The following TMEM74 variants were observed in gnomAD, a reference collection of about 807,000 sequenced individuals.
The protein encoded by TMEM74 is transmembrane protein 74.
In TMEM74, 13 loss-of-function variants were observed where a neutral mutation model predicts 18.1. The observed-to-expected ratio is 0.72, with a 90% CI of 0.47 to 1.14. TMEM74 has a LOEUF of 1.14. TMEM74 is among the 50% of genes most tolerant of loss of function. The pLI, the probability that TMEM74 is intolerant of heterozygous loss-of-function variation, is 0.00. For missense variants in TMEM74, 372 were observed against 375.9 expected (o/e 0.99, Z 0.09); for synonymous variants, 159 against 146.6 (o/e 1.08, Z -0.61).
At chr8:108,686,094 G>T (rs184583240) in intron 1 of TMEM74, among the ~76,000 whole-genome samples, 2 of 152,152 alleles carry the variant, frequency 1.3e-5, no homozygotes, top group African/African-American at 4.8e-5. Context: ...AAAGTTATGA[G>T]TTTCTTTTAA....
At chr8:108,744,689 C>A (rs1813832763) in intron 1 of TMEM74, among the ~76,000 whole-genome samples, 1 of 152,130 alleles carries the variant, frequency 6.6e-6, no homozygotes, top group Non-Finnish European at 1.5e-5. Flanking sequence ...GGAAGAAAAG[C>A]TTGTAATTGA....
At chr8:108,729,009 A>G (rs537018234) in intron 1 of TMEM74, among the ~76,000 whole-genome samples, 1 of 152,230 alleles carries the variant, frequency 6.6e-6, no homozygotes, top group South Asian at 2.1e-4. Flanking sequence ...TCTTGCTGCT[A>G]TATCAAATTA....
intron 1 of TMEM74, among the ~76,000 whole-genome samples, chr8:108,664,345 C>A (rs1159753221): frequency 6.6e-6 from 1 of 152,070 alleles, no homozygotes; most frequent in Non-Finnish European, 1.5e-5. Context: ...TTTCACCTCT[C>A]TGGTTAGCTG....
chr8:108,617,413 A>G (rs181031574), intron 2 of TMEM74, among the ~76,000 whole-genome samples: 1 of 152,222 alleles, frequency 6.6e-6, no homozygotes, highest in East Asian at 1.9e-4. Context: ...GGAACCTCAC[A>G]CAGAAGCAGC....
At position 108,784,278 on chromosome 8, in the gene TMEM74, A is replaced by G; in HGVS notation, c.821T>C (p.Leu274Pro). Residue 274 changes from leucine to proline, a missense_variant, in exon 2 of 2, where the codon CTC (leucine) becomes CCC (proline). Physicochemically the swap from Leu to Pro is moderately conservative, Grantham distance 98. Transcript: ENST00000297459. ...CATCCTGAAGTTGAAAGAACCATAGAGTTTTGCAGACTCTTTGGAAGAGGC... is the reference window on the plus strand; with the variant it reads ...CATCCTGAAGTTGAAAGAACCATAGGGTTTTGCAGACTCTTTGGAAGAGGC... ...RFASSKESAKLYGSFNFRMKT... is the reference protein window; with the variant it reads ...RFASSKESAKPYGSFNFRMKT... 2.5e-6 allele frequency: 4 copies of G among 1,614,144 alleles called. No homozygotes were observed. Among genetic ancestry groups the G allele is most frequent in the Non-Finnish European group, 3.4e-6 (4 of 1,180,038 alleles).
rs1372713638 is a variant in TMEM74, at chr8:108,718,022, G to A, written n.120-62585C>T. On this transcript the variant is annotated intron_variant and non_coding_transcript_variant, in intron 1 of 3. Transcript: ENST00000518838. The stretch of plus-strand genomic sequence containing the variant: ...CACCCAGGCTGGAGTGCAGTGGCGG[G>A]ATCTCGGCTCACTGCAAGCTCCGCC... Among the ~76,000 whole-genome samples, 5 of 65,422 alleles carry A rather than the reference G, an allele frequency of 7.6e-5. 1 individual carries two copies. The East Asian group carries it at 3.5e-3, about 46-fold the overall frequency. 42.9% of individuals were successfully genotyped at this position (65,422 alleles called of 152,430 possible). A position where few individuals can be genotyped will look rare whatever the true frequency, so the allele number is the denominator to read the frequency against.
At chr8:108,745,922 A>T (rs977792791) in intron 1 of TMEM74, among the ~76,000 whole-genome samples, 4 of 152,130 alleles carry the variant, frequency 2.6e-5, no homozygotes, top group Non-Finnish European at 5.9e-5. Context: ...ACCGGTGCAT[A>T]CAGTCCCCAG....
chr8:108,756,638 G>GGAAGGAAGGAAC lies in TMEM74; in HGVS notation n.119+30837_119+30838insGTTCCTTCCTTC. Among the ~76,000 whole-genome samples, 3 of 69,374 alleles carry GGAAGGAAGGAAC rather than the reference G, an allele frequency of 4.3e-5. 1 individual carries two copies. The East Asian group carries it at 1.4e-3, about 32-fold the overall frequency. 45.5% of individuals were successfully genotyped at this position (69,374 alleles called of 152,430 possible). ...AGGAAGGAAGGAAGGAAGGAAGGAA[G>GGAAGGAAGGAAC]GAAGAAAGAAAGAGAAAGAAAGAAA... On this transcript the variant is annotated intron_variant and non_coding_transcript_variant, in intron 1 of 3. Transcript: ENST00000518838.
chr8:108,609,819 C>T (rs1483153419), intron 2 of TMEM74, among the ~76,000 whole-genome samples: 1 of 152,130 alleles, frequency 6.6e-6, no homozygotes, highest in Non-Finnish European at 1.5e-5. Context: ...CTGCTCATCC[C>T]TTCCATTAAA....
chr8:108,763,146 C>T (rs1022549858), intron 1 of TMEM74, among the ~76,000 whole-genome samples: 1 of 151,856 alleles, frequency 6.6e-6, no homozygotes, highest in Admixed American at 6.6e-5. Context: ...TGGCTGAATC[C>T]CAATTAAACC....
chr8:108,657,641 G>A (rs911293932), intron 1 of TMEM74, among the ~76,000 whole-genome samples: 16 of 151,210 alleles, frequency 1.1e-4, no homozygotes, highest in Admixed American at 3.3e-4. Flanking sequence ...TCAGGAGTTG[G>A]AGACCAGTCT....
At chr8:108,709,344 C>T (rs967928326) in intron 1 of TMEM74, among the ~76,000 whole-genome samples, 1 of 151,960 alleles carries the variant, frequency 6.6e-6, no homozygotes, top group East Asian at 1.9e-4. Context: ...ATTACTAAGC[C>T]TTAAAAAAGA....
intron 1 of TMEM74, among the ~76,000 whole-genome samples, chr8:108,657,904 T>TA (rs1812861540): frequency 1.8e-5 from 2 of 109,844 alleles, no homozygotes; most frequent in African/African-American, 6.9e-5. Flanking sequence ...ATATATATAT[T>TA]AATTACATAT....
intron 1 of TMEM74, among the ~76,000 whole-genome samples, chr8:108,709,142 G>T (rs1364848615): frequency 6.6e-6 from 1 of 152,078 alleles, no homozygotes; most frequent in African/African-American, 2.4e-5. Flanking sequence ...ATGTAAAAAT[G>T]GAGCTAACTT....
chr8:108,780,493 T>G lies in TMEM74; in HGVS notation c.*3688A>C, dbSNP rs77783929. Reference sequence around the variant, plus strand: ...TGCTCAGTCACTCATTTATCAAGATTAAGTCACCCCTTATACTGGGGGGAC... The same window carrying G: ...TGCTCAGTCACTCATTTATCAAGATGAAGTCACCCCTTATACTGGGGGGAC... On this transcript the variant is annotated 3_prime_UTR_variant, in exon 2 of 2. Transcript: ENST00000297459. Among the ~76,000 whole-genome samples the G allele has an allele frequency of 0.013, 1,915 of 152,242 alleles. 47 individuals are homozygous for G. The highest frequency in any genetic ancestry group is 0.043 in the African/African-American group (1,802 of 41,532).
intron 1 of TMEM74, among the ~76,000 whole-genome samples, chr8:108,657,165 C>A (rs1812827962): frequency 6.6e-6 from 1 of 152,002 alleles, no homozygotes; most frequent in African/African-American, 2.4e-5. Flanking sequence ...AGGGAGAATT[C>A]TTGGCACAGT....
intron 1 of TMEM74, among the ~76,000 whole-genome samples, chr8:108,687,884 C>G (rs1028439477): frequency 1.7e-5 from 2 of 119,504 alleles, no homozygotes; most frequent in African/African-American, 6.5e-5. Context: ...TGGTTCCTAA[C>G]AGGCCACGTA....
chr8:108,623,389 C>T (rs1812461808), intron 2 of TMEM74, among the ~76,000 whole-genome samples: 1 of 152,038 alleles, frequency 6.6e-6, no homozygotes, highest in Non-Finnish European at 1.5e-5. Flanking sequence ...CTCAAGGAAG[C>T]TAGTAGTCTT....
intron 1 of TMEM74, among the ~76,000 whole-genome samples, chr8:108,674,059 T>A (rs1311360453): frequency 6.6e-6 from 1 of 152,194 alleles, no homozygotes; most frequent in Non-Finnish European, 1.5e-5. Flanking sequence ...AGCTAAATAC[T>A]GATGCCTGGA....
Sources: gnomAD v4.1 joint callset for allele counts (sites outside exome capture counted in the v4.1 genomes callset) on GRCh38, gnomAD v4.1.1 for gene constraint, MANE v1.5 for transcripts, NCBI Gene and HGNC (gene_info 2026-07-23, HGNC 2026-07-21) for gene names.